Variants in ZFHX4 observed in about 807,000 individuals in gnomAD.
The protein encoded by ZFHX4 is zinc finger homeobox 4.
A neutral mutation model predicts 267.6 loss-of-function variants in ZFHX4; 56 were observed. The observed-to-expected ratio is 0.21, with a 90% CI of 0.17 to 0.26. ZFHX4 has a LOEUF of 0.26. Among genes scored for constraint, ZFHX4 ranks in the 10% least tolerant of loss-of-function variants. The pLI, the probability that ZFHX4 is intolerant of heterozygous loss-of-function variation, is 1.00. For synonymous variants in ZFHX4, 1,778 were observed against 1,665.6 expected (o/e 1.07, Z -1.64); for missense variants, 4,332 against 4,420.0 (o/e 0.98, Z 0.56).
At chr8:76,849,437 C>G (rs1006227060) in intron 7 of ZFHX4, 75 bp from the exon 8 acceptor site, 2 of 1,389,700 alleles carry the variant, frequency 1.4e-6, no homozygotes, top group Non-Finnish European at 1.0e-6. Context: ...ACACGTACCC[C>G]CAAAATACAA....
At chr8:76,861,377 C>A (rs555125511) in intron 10 of ZFHX4, among the ~76,000 whole-genome samples, 1 of 152,276 alleles carries the variant, frequency 6.6e-6, no homozygotes, top group South Asian at 2.1e-4. Context: ...TCCTAGGACT[C>A]GGTTTCCTTA....
intron 6 of ZFHX4, 74 bp from the exon 7 acceptor site, chr8:76,848,920 GT>G (rs1812434139): frequency 1.4e-6 from 2 of 1,383,302 alleles, no homozygotes; most frequent in African/African-American, 3.0e-5. Context: ...AGTCGCAAAT[GT>G]TTGAAAAACA....
intron 3 of ZFHX4, among the ~76,000 whole-genome samples, chr8:76,744,754 AT>A (rs1809413647): frequency 6.6e-6 from 1 of 152,122 alleles, no homozygotes; most frequent in Non-Finnish European, 1.5e-5. Context: ...CATTAAAAAA[AT>A]TTTTTTAGAT....
At position 76,704,513 on chromosome 8, in the gene ZFHX4, T is replaced by C. The variant is rs1808191858; in HGVS notation, c.425T>C (p.Ile142Thr). ...VYQPDGSAYI[I>T]EDSKESGQNA... Reference sequence around the variant, plus strand: ...CAGCCTGATGGGTCAGCATATATAATTGAGGACTCCAAAGAAAGTGGGCAG... The same window carrying C: ...CAGCCTGATGGGTCAGCATATATAACTGAGGACTCCAAAGAAAGTGGGCAG... Residue 142 changes from isoleucine (I) to threonine (T), a missense_variant, in exon 2 of 11, where the codon ATT becomes ACT. Coordinates refer to ENST00000651372, the MANE Select transcript of ZFHX4 (RefSeq NM_024721.5). 2.5e-6 allele frequency: 4 copies of C among 1,613,902 alleles called. No individual in the cohort carries two copies. Among genetic ancestry groups the C allele is most frequent in the East Asian group, 2.2e-5 (1 of 44,868 alleles).
At chr8:76,829,686 A>G (rs1811882728) in intron 4 of ZFHX4, among the ~76,000 whole-genome samples, 1 of 152,062 alleles carries the variant, frequency 6.6e-6, no homozygotes, top group African/African-American at 2.4e-5. Flanking sequence ...GTGCGTGGCT[A>G]TAATCCCAGC....
At chr8:76,714,279 T>C (rs1808507445) in intron 3 of ZFHX4, among the ~76,000 whole-genome samples, 2 of 152,282 alleles carry the variant, frequency 1.3e-5, no homozygotes, top group South Asian at 4.1e-4. Context: ...CATAATGCAG[T>C]GAAAGTCATA....
rs150644855 is a variant in ZFHX4 at position 76,853,714 on chromosome 8, C to T, written c.6793C>T (p.Leu2265=). 6.6e-4 allele frequency: 1,073 copies of T among 1,613,750 alleles called. 11 individuals carry two copies. The East Asian group carries it at 0.019, about 29-fold the overall frequency. The change falls in exon 10 of 11, where the codon CTG becomes TTG. Residue 2265 remains leucine, a synonymous_variant. Coordinates refer to ENST00000651372, the MANE Select transcript of ZFHX4 (RefSeq NM_024721.5). ...AGAACAACTCTCCACTGTTCTCAATCTGCCTACCCGGGTTATTGTTGTATG... is the reference window on the plus strand; with the variant it reads ...AGAACAACTCTCCACTGTTCTCAATTTGCCTACCCGGGTTATTGTTGTATG... ...EIEQLSTVLN[L]PTRVIVVWFQ... is the part of the protein sequence containing the mutation.
chr8:76,713,116 C>T lies in ZFHX4; in HGVS notation c.3093+5068C>T, dbSNP rs543472789. 4.6e-5 allele frequency among the ~76,000 whole-genome samples: 7 copies of T among 152,250 alleles called. No individual in the cohort carries two copies. The East Asian group carries it at 5.8e-4, about 13-fold the overall frequency. On this transcript the variant is annotated intron_variant, in intron 3 of 10. Coordinates refer to ENST00000651372, the MANE Select transcript of ZFHX4 (RefSeq NM_024721.5). ...TTTAAGCTTGACTTTTGCTGAAGCA[C>T]GGCTATGTGTTATAACATGGCTACT...
At position 76,730,767 on chromosome 8, in the gene ZFHX4, C is replaced by G. The variant is rs147486319; in HGVS notation, c.3093+22719C>G. Reference sequence around the variant, plus strand: ...CTGGGGTATGCAAACTTAATTAGCACCTGGTCCTTGACTTGGGGATGGTTA... The same window carrying G: ...CTGGGGTATGCAAACTTAATTAGCAGCTGGTCCTTGACTTGGGGATGGTTA... On this transcript the variant is annotated intron_variant, in intron 3 of 10. Transcript: ENST00000651372. 8.5e-3 allele frequency among the ~76,000 whole-genome samples: 1,299 copies of G among 152,122 alleles called. 8 individuals are homozygous for G. The highest frequency in any genetic ancestry group is 0.013 in the Non-Finnish European group (863 of 67,990).
intron 3 of ZFHX4, among the ~76,000 whole-genome samples, chr8:76,723,850 A>G (rs2131643969): frequency 6.6e-6 from 1 of 152,194 alleles, no homozygotes; most frequent in East Asian, 1.9e-4. Context: ...CTCTTCCTCT[A>G]ATCTTGGGGA....
At chr8:76,717,653 G>A (rs1808612685) in intron 3 of ZFHX4, among the ~76,000 whole-genome samples, 2 of 152,142 alleles carry the variant, frequency 1.3e-5, no homozygotes, top group Non-Finnish European at 2.9e-5. Context: ...CTAGAGTTCA[G>A]TGGCGTGATC....
rs1808310995 is a variant in ZFHX4, at chr8:76,707,588, A to G, written c.2633A>G (p.Gln878Arg). 5 of 1,598,620 alleles carry G rather than the reference A, an allele frequency of 3.1e-6. No individual in the cohort carries two copies. Among genetic ancestry groups the G allele is most frequent in the Non-Finnish European group, 3.4e-6 (4 of 1,170,826 alleles). Reference sequence around the variant, plus strand: ...CCTGAAATCCGGCTTGCCAGTGGTCAGCTAATGGGTGATGACCTGTCCCTC... The same window carrying G: ...CCTGAAATCCGGCTTGCCAGTGGTCGGCTAATGGGTGATGACCTGTCCCTC... Reference protein sequence around the residue: ...LPPEIRLASGQLMGDDLSLLT... With the variant: ...LPPEIRLASGRLMGDDLSLLT... Residue 878 changes from glutamine to arginine, a missense_variant, in exon 3 of 11, where the codon CAG becomes CGG. Physicochemically the swap from Gln to Arg is conservative, Grantham distance 43 (BLOSUM62 1). This residue lies in a region of ZFHX4 where 1,195 missense variants were observed against 1,173.6 expected (regional missense o/e 1.02). Transcript: ENST00000651372.
chr8:76,706,658 C>A lies in ZFHX4; in HGVS notation c.2570C>A (p.Ala857Glu), dbSNP rs752326078. ...NPFQLDPATA[A>E]ALAPGLVNNE... ...TTCCAGCTGGATCCAGCGACAGCAG[C>A]GGCTTTGGCACCAGGGCTCGGTTAG... is the stretch of plus-strand genomic sequence containing the variant. The change falls in exon 2 of 11, where the codon GCG becomes GAG. Residue 857 changes from alanine to glutamate, a missense_variant. This residue lies in a region of ZFHX4 where 1,195 missense variants were observed against 1,173.6 expected (regional missense o/e 1.02). Coordinates refer to ENST00000651372, the MANE Select transcript of ZFHX4 (RefSeq NM_024721.5). The A allele has an allele frequency of 2.5e-6, 4 of 1,591,324 alleles. No individual in the cohort carries two copies.
chr8:76,702,660 G>A (rs1808134829), intron 1 of ZFHX4, among the ~76,000 whole-genome samples: 1 of 152,142 alleles, frequency 6.6e-6, no homozygotes, highest in Non-Finnish European at 1.5e-5. Context: ...ATGTAATATA[G>A]CAACATTAAT....
At chr8:76,699,474 A>G (rs896827290) in intron 1 of ZFHX4, among the ~76,000 whole-genome samples, 5 of 152,164 alleles carry the variant, frequency 3.3e-5, no homozygotes, top group African/African-American at 4.8e-5. Flanking sequence ...AAAGAGAAAC[A>G]CTAGCACCAA....
chr8:76,752,863 T>C (rs952865660), intron 3 of ZFHX4, among the ~76,000 whole-genome samples: 1 of 152,220 alleles, frequency 6.6e-6, no homozygotes, highest in Non-Finnish European at 1.5e-5. Context: ...TTCACTATAA[T>C]AACTTATGTA....
intron 4 of ZFHX4, among the ~76,000 whole-genome samples, chr8:76,807,683 C>A (rs1157985235): frequency 6.6e-6 from 1 of 152,090 alleles, no homozygotes; most frequent in Non-Finnish European, 1.5e-5. Flanking sequence ...GGAGACTCAG[C>A]CCTGTTAAGA....
intron 4 of ZFHX4, among the ~76,000 whole-genome samples, chr8:76,796,808 T>C (rs726036): frequency 6.6e-6 from 1 of 152,190 alleles, no homozygotes; most frequent in Non-Finnish European, 1.5e-5. Flanking sequence ...CCAGGGAAAA[T>C]ACAGGCTGTT....
rs534077358 is a variant in ZFHX4, at chr8:76,855,500, G to T, written c.8579G>T (p.Cys2860Phe). 5.6e-6 allele frequency: 9 copies of T among 1,613,758 alleles called. No homozygotes were observed. In the East Asian group the frequency reaches 2.0e-4, roughly 36 times the overall value. ...GCAACCACACCTACCACGGAGGTCT[G>T]CGATGACAAATTTCTCTTTTCTCTC... ...KPATTPTTEVCDDKFLFSLTS... is the reference protein window; with the variant it reads ...KPATTPTTEVFDDKFLFSLTS... The change falls in exon 10 of 11, where the codon TGC becomes TTC. Residue 2860 changes from cysteine to phenylalanine, a missense_variant. By Grantham distance (205) the Cys-to-Phe change is radical. Around this residue, in one of 7 missense-constraint regions of ZFHX4, gnomAD observed 1,648 missense variants for 1,625.0 expected, o/e 1.01. Transcript: ENST00000651372.
Sources: allele counts gnomAD v4.1 joint callset (sites outside exome capture counted in the v4.1 genomes callset), GRCh38; gene constraint gnomAD v4.1.1; regional missense constraint gnomAD v4.1.1; transcripts MANE v1.5; gene names NCBI Gene and HGNC (gene_info 2026-07-23, HGNC 2026-07-21).